Variants in OGG1 observed in about 807,000 individuals in gnomAD.
The protein encoded by OGG1 is 8-oxoguanine DNA glycosylase.
A neutral mutation model predicts 42.3 loss-of-function variants in OGG1; 35 were observed. The ratio of observed to expected loss-of-function variants is 0.83; its 90% confidence interval spans 0.63 to 1.10. OGG1 has a LOEUF of 1.10. OGG1 is among the 50% of genes least tolerant of loss of function. OGG1 has a pLI of 0.00. For missense variants in OGG1, 484 were observed against 446.7 expected, an observed-to-expected ratio of 1.08 and a Z score of -0.75; for synonymous variants, 189 against 179.0, an observed-to-expected ratio of 1.06 and a Z score of -0.44.
chr3:9,759,868 T>C, downstream of OGG1: 3 of 1,563,804 alleles, frequency 1.9e-6, no homozygotes, highest in Non-Finnish European at 2.6e-6. Context: ...GCCAAATCAG[T>C]CCATGCCCCA....
At chr3:9,772,342 C>G (rs2125605548) in intron 2 of OGG1, among the ~76,000 whole-genome samples, 1 of 152,278 alleles carries the variant, frequency 6.6e-6, no homozygotes, top group Non-Finnish European at 1.5e-5. Context: ...GAATGCCAAC[C>G]TAAACCAGCT....
intron 3 of OGG1, chr3:9,787,703 GCTGT>G (rs1402208008): frequency 7.6e-6 from 10 of 1,319,456 alleles, no homozygotes; most frequent in African/African-American, 1.5e-5. Flanking sequence ...TGAATTTACT[GCTGT>G]CTGTATGAAC....
chr3:9,760,588 C>T (rs955100180), downstream of OGG1: 76 of 1,533,038 alleles, frequency 5.0e-5, 1 homozygote, highest in South Asian at 3.2e-4. Flanking sequence ...GGAGGGAGAC[C>T]GCCCCCAAAG....
intron 3 of OGG1, chr3:9,787,168 C>G: frequency 6.2e-7 from 1 of 1,614,168 alleles, no homozygotes. Context: ...CAAGTCCTGA[C>G]CTGGGGTTGG....
chr3:9,762,428 G>C (rs1008816125), intron 7 of OGG1: 1 of 155,806 alleles, frequency 6.4e-6, no homozygotes, highest in African/African-American at 2.4e-5. Context: ...CCAGGCTGGC[G>C]TGCAATGGCA....
intron 1 of OGG1, chr3:9,750,650 CT>C (rs1217930432): frequency 1.4e-6 from 1 of 721,310 alleles, no homozygotes; most frequent in Non-Finnish European, 2.3e-6. Context: ...ACTTGTTTTT[CT>C]TTTTTTGAGA....
downstream of OGG1, chr3:9,760,077 C>A: frequency 4.5e-6 from 1 of 222,390 alleles, no homozygotes; most frequent in Non-Finnish European, 9.1e-6. Flanking sequence ...CTTGTTTCTA[C>A]TAAAAATACA....
intron 2 of OGG1, chr3:9,780,617 G>A: frequency 6.7e-7 from 1 of 1,488,694 alleles, no homozygotes; most frequent in South Asian, 1.3e-5. Context: ...CCCTCTTCAA[G>A]ACCGAGCCTA....
Position 9,750,264 on chromosome 3 carries a change from A to G in OGG1, c.-23A>G, listed in dbSNP as rs1801129. On this transcript the variant is annotated 5_prime_UTR_variant, in exon 1 of 7. Transcript: ENST00000344629. ...CTGGTTCTGGGTAGGCGGGGCTACT[A>G]CGGGGCGGTGCCTGCTGTGGAAATG... is the stretch of plus-strand genomic sequence containing the variant. 1,586 of 1,602,786 alleles carry G rather than the reference A, an allele frequency of 9.9e-4. 45 individuals are homozygous for G. In the East Asian group the frequency reaches 0.035, roughly 35 times the overall value.
downstream of OGG1, chr3:9,761,332 A>C (rs2077858932): frequency 4.4e-6 from 4 of 900,368 alleles, no homozygotes; most frequent in Non-Finnish European, 6.8e-6. Flanking sequence ...AATACTGGTA[A>C]TTGATTGGTG....
intron 2 of OGG1, chr3:9,780,318 C>T: frequency 6.3e-7 from 1 of 1,582,604 alleles, no homozygotes. Flanking sequence ...CCCTTCCCCT[C>T]CCCTAGGCCA....
chr3:9,766,125 T>C, exon 8 of OGG1: 1 of 1,239,496 alleles, frequency 8.1e-7, no homozygotes, highest in South Asian at 1.3e-5. Flanking sequence ...GCCAGCTTAC[T>C]AGCACTTTGA....
rs199690178 is a variant in OGG1 at position 9,757,000 on chromosome 3, A to G, written c.949-61A>G. ...TCTTCCACCTCCCAACACTGTCACT[A>G]GTCTCACCAGCCCTGACCCCAGTGT... is the stretch of plus-strand genomic sequence containing the variant. On this transcript the variant is annotated intron_variant, in intron 6 of 6. Transcript: ENST00000344629. The G allele has an allele frequency of 1.9e-6, 3 of 1,613,052 alleles. No homozygotes were observed. The East Asian group carries it at 6.7e-5, about 36-fold the overall frequency.
At chr3:9,753,179 C>T (rs759983529) in intron 3 of OGG1, among the ~76,000 whole-genome samples, 9 of 151,920 alleles carry the variant, frequency 5.9e-5, no homozygotes, top group South Asian at 4.2e-4. Context: ...TGGTGAAACC[C>T]GCTCTCTGCT....
intron 7 of OGG1, among the ~76,000 whole-genome samples, chr3:9,765,383 A>G (rs954802928): frequency 1.3e-5 from 2 of 152,178 alleles, no homozygotes; most frequent in Non-Finnish European, 2.9e-5. Flanking sequence ...GGGGGTCAGC[A>G]GACAGTCATT....
intron 3 of OGG1, chr3:9,787,229 T>C (rs1359450192): frequency 1.2e-6 from 2 of 1,614,194 alleles, no homozygotes; most frequent in South Asian, 1.1e-5. Flanking sequence ...AGTGGCCCCA[T>C]GAGGCCTTTC....
intron 2 of OGG1, among the ~76,000 whole-genome samples, chr3:9,779,358 C>T (rs753876181): frequency 1.3e-4 from 20 of 152,066 alleles, no homozygotes; most frequent in Non-Finnish European, 2.4e-4. Context: ...CATGGAAGCC[C>T]GCTGGCTCCG....
At chr3:9,773,623 T>C (rs1252860145) in intron 2 of OGG1, among the ~76,000 whole-genome samples, 1 of 137,682 alleles carries the variant, frequency 7.3e-6, no homozygotes, top group African/African-American at 2.7e-5. Context: ...GGGGATGATC[T>C]TTTCTTCTTT....
At chr3:9,766,938 C>T (rs2078171613), downstream of OGG1, among the ~76,000 whole-genome samples, 1 of 152,152 alleles carries the variant, frequency 6.6e-6, no homozygotes, top group South Asian at 2.1e-4. Flanking sequence ...CCTGGCCTGG[C>T]TTCCAAAACC....
Sources: gnomAD v4.1 joint callset for allele counts (sites outside exome capture counted in the v4.1 genomes callset) on GRCh38, gnomAD v4.1.1 for gene constraint, MANE v1.5 for transcripts, NCBI Gene and HGNC (gene_info 2026-07-23, HGNC 2026-07-21) for gene names.